Variants in PITPNM2 observed in about 807,000 individuals in gnomAD.
PITPNM2 encodes phosphatidylinositol transfer protein membrane associated 2, also known as membrane-associated phosphatidylinositol transfer protein 2.
PITPNM2 carries 35 observed loss-of-function variants against 132.2 expected under a neutral mutation model. The ratio of observed to expected loss-of-function variants is 0.26; its 90% CI spans 0.20 to 0.35. The LOEUF is 0.35. Among genes scored for constraint, PITPNM2 ranks in the 10% least tolerant of loss-of-function variants. The pLI is 1.00. For missense variants in PITPNM2, 1,332 were observed against 1,912.0 expected, an observed-to-expected ratio of 0.70 and a Z score of 5.66; for synonymous variants, 738 against 799.2, an observed-to-expected ratio of 0.92 and a Z score of 1.29.
At chr12:123,104,508 C>T (rs904017532) in intron 2 of PITPNM2, among the ~76,000 whole-genome samples, 2 of 152,148 alleles carry the variant, frequency 1.3e-5, no homozygotes, top group Non-Finnish European at 1.5e-5. Context: ...TGAAAATGGC[C>T]GGTCCTTGCC....
intron 2 of PITPNM2, among the ~76,000 whole-genome samples, chr12:123,068,508 C>G (rs972702130): frequency 2.2e-4 from 33 of 151,728 alleles, no homozygotes; most frequent in African/African-American, 7.5e-4. Context: ...TAAAAATAAT[C>G]CTTGGGCACA....
At chr12:123,013,277 C>G (rs899384662) in intron 4 of PITPNM2, among the ~76,000 whole-genome samples, 1 of 152,234 alleles carries the variant, frequency 6.6e-6, no homozygotes, top group African/African-American at 2.4e-5. Context: ...CAGCAGTAGA[C>G]AGCTTGTGGG....
rs1055918591 is a variant in PITPNM2, at chr12:123,137,076, C to T, written c.-200+13677G>A. 3.9e-5 allele frequency among the ~76,000 whole-genome samples: 6 copies of T among 152,278 alleles called. No individual in the cohort carries two copies. In the East Asian group the frequency reaches 1.2e-3, roughly 29 times the overall value. On this transcript the variant is annotated intron_variant, in intron 1 of 25. Transcript: ENST00000320201. ...AGCCTAATGAGGGCAAGTGTGACTTCGTGAATGCCAGACTGACTTTCCGCT... is the reference window on the plus strand; with the variant it reads ...AGCCTAATGAGGGCAAGTGTGACTTTGTGAATGCCAGACTGACTTTCCGCT...
intron 2 of PITPNM2, among the ~76,000 whole-genome samples, chr12:123,066,049 C>A (rs1404802075): frequency 6.6e-6 from 1 of 152,180 alleles, no homozygotes; most frequent in African/African-American, 2.4e-5. Context: ...CGTTTGTGTG[C>A]GTGTGTGTAG....
chr12:123,031,066 G>T lies in PITPNM2; in HGVS notation c.78+3447C>A, dbSNP rs942356686. 1.1e-4 allele frequency among the ~76,000 whole-genome samples: 17 copies of T among 152,216 alleles called. No individual in the cohort carries two copies. The highest frequency in any genetic ancestry group is 3.9e-4 in the African/African-American group (16 of 41,458). The stretch of plus-strand genomic sequence containing the variant: ...TGAAAGTGTTTTGGAACTAAAGTTG[G>T]TGGTTGCACAACATTGTGAGTATAC... On this transcript the variant is annotated intron_variant, in intron 3 of 25. Coordinates refer to ENST00000320201, the MANE Select transcript of PITPNM2 (RefSeq NM_020845.3). The surrounding 1 kb of genome is among the most constrained non-coding windows in gnomAD (Gnocchi z 4.5).
intron 2 of PITPNM2, among the ~76,000 whole-genome samples, chr12:123,062,713 T>C (rs914469085): frequency 1.3e-5 from 2 of 152,208 alleles, no homozygotes; most frequent in African/African-American, 4.8e-5. Context: ...GGACTATAAA[T>C]AGCCTCACCT....
At chr12:123,147,591 A>C (rs2043643823) in intron 1 of PITPNM2, among the ~76,000 whole-genome samples, 1 of 152,224 alleles carries the variant, frequency 6.6e-6, no homozygotes, top group Non-Finnish European at 1.5e-5. Flanking sequence ...GAGACAGTTC[A>C]GGAAAGCAGC....
chr12:122,991,628 C>G, intron 16 of PITPNM2: 1 of 1,044,478 alleles, frequency 9.6e-7, no homozygotes, highest in Non-Finnish European at 1.2e-6. Context: ...CTGCCCAAGT[C>G]TCTGTTCCTC....
chr12:123,094,723 C>G (rs908686671), intron 2 of PITPNM2, among the ~76,000 whole-genome samples: 3 of 152,194 alleles, frequency 2.0e-5, no homozygotes, highest in African/African-American at 7.2e-5. Flanking sequence ...GGGGTGGGGT[C>G]CCTCCACCTC....
At position 123,117,668 on chromosome 12, in the gene PITPNM2, C is replaced by T. The variant is rs1334389076; in HGVS notation, c.-199-7180G>A. Among the ~76,000 whole-genome samples, 2 of 152,210 alleles carry T rather than the reference C, an allele frequency of 1.3e-5. No homozygotes were observed. Among genetic ancestry groups the T allele is most frequent in the Non-Finnish European group, 2.9e-5 (2 of 68,042 alleles). On this transcript the variant is annotated intron_variant, in intron 1 of 25. Coordinates refer to ENST00000320201, the MANE Select transcript of PITPNM2 (RefSeq NM_020845.3). This position sits in a 1 kb window ranked among gnomAD's most constrained non-coding sequence, Gnocchi z 4.7. The stretch of plus-strand genomic sequence containing the variant: ...CTTGCATCTAGGTTTGCAAGGCAGA[C>T]AGAAGTGCTCACTGGGCTCCTCAGA...
rs1177661462 is a variant in PITPNM2, at chr12:123,118,432, T to TCAAGG, written c.-199-7945_-199-7944insCCTTG. Among the ~76,000 whole-genome samples, 10 of 151,998 alleles carry TCAAGG rather than the reference T, an allele frequency of 6.6e-5. No homozygotes were observed. In the East Asian group the frequency reaches 7.7e-4, roughly 12 times the overall value. ...AAGCAACCAAACAGGAGGGAGAAAA[T>TCAAGG]CTCTATCAAGGCTCTAAATTGAGAA... On this transcript the variant is annotated intron_variant, in intron 1 of 25. Transcript: ENST00000320201.
chr12:123,010,208 A>C (rs1421924759), intron 5 of PITPNM2, 131 bp from the exon 6 acceptor site: 10 of 724,880 alleles, frequency 1.4e-5, no homozygotes, highest in African/African-American at 3.5e-5. Context: ...CCTGGGAGTG[A>C]GGATCATGTT....
intron 1 of PITPNM2, among the ~76,000 whole-genome samples, chr12:123,137,190 A>G (rs2043400758): frequency 6.6e-6 from 1 of 152,162 alleles, no homozygotes; most frequent in Admixed American, 6.5e-5. Context: ...GGACAGAACT[A>G]CAGGAGGCTA....
In PITPNM2 at chr12:123,022,688, T is replaced by TG. The variant is rs1045923876; in HGVS notation, c.79-8647dup. 1.3e-5 allele frequency among the ~76,000 whole-genome samples: 2 copies of TG among 152,104 alleles called. No homozygotes were observed. The highest frequency in any genetic ancestry group is 2.9e-5 in the Non-Finnish European group (2 of 68,006). ...AAGTCTCCCAGGCCATGAGTGACTG[T>TG]GGTAGTGCAGAGACAGAGAAGCAGC... On this transcript the variant is annotated intron_variant, in intron 3 of 25. Coordinates refer to ENST00000320201, the MANE Select transcript of PITPNM2 (RefSeq NM_020845.3). The surrounding 1 kb of genome is among the most constrained non-coding windows in gnomAD (Gnocchi z 4.9).
chr12:123,128,263 A>C (rs1271210165), intron 1 of PITPNM2, among the ~76,000 whole-genome samples: 2 of 84,060 alleles, frequency 2.4e-5, no homozygotes, highest in Non-Finnish European at 4.6e-5. Flanking sequence ...CCCCATCTCT[A>C]CAAAAAAAAA....
At chr12:123,068,871 T>C (rs1255810380) in intron 2 of PITPNM2, among the ~76,000 whole-genome samples, 2 of 152,196 alleles carry the variant, frequency 1.3e-5, no homozygotes, top group African/African-American at 2.4e-5. Context: ...ATTGATAATG[T>C]CAGAGCCAAG....
At chr12:123,143,965 G>A (rs995082896) in intron 1 of PITPNM2, among the ~76,000 whole-genome samples, 2 of 152,204 alleles carry the variant, frequency 1.3e-5, no homozygotes, top group Non-Finnish European at 2.9e-5. Context: ...TGATGCCAAA[G>A]GTGGCAGATC....
intron 3 of PITPNM2, among the ~76,000 whole-genome samples, chr12:123,024,977 T>C (rs1261584501): frequency 6.6e-6 from 1 of 151,926 alleles, no homozygotes; most frequent in Non-Finnish European, 1.5e-5. Flanking sequence ...ATCAAAAAAA[T>C]CAAATGTGGC....
chr12:123,065,376 C>T (rs926418422), intron 2 of PITPNM2, among the ~76,000 whole-genome samples: 2 of 152,224 alleles, frequency 1.3e-5, no homozygotes, highest in South Asian at 2.1e-4. Flanking sequence ...CCAGGGACAG[C>T]GCACAGGGCT....
Sources: gnomAD v4.1 joint callset for allele counts (sites outside exome capture counted in the v4.1 genomes callset) on GRCh38, gnomAD v4.1.1 for gene constraint, Gnocchi (gnomAD v3.1) non-coding constraint, MANE v1.5 for transcripts, NCBI Gene and HGNC (gene_info 2026-07-23, HGNC 2026-07-21) for gene names.